The following KLHL6 variants were observed in gnomAD, a reference collection of about 807,000 sequenced individuals.
KLHL6 encodes the protein kelch-like protein 6.
A neutral mutation model predicts 58.6 loss-of-function variants in KLHL6; 41 were observed. The observed-to-expected ratio is 0.70, with a 90% confidence interval of 0.55 to 0.91. The LOEUF (loss-of-function observed/expected upper bound fraction) is 0.91, where lower values mean the gene tolerates loss of function less well. Among genes scored for constraint, KLHL6 ranks in the 40% least tolerant of loss-of-function variants. The pLI is 0.00. For missense variants in KLHL6, 714 were observed against 805.6 expected (o/e 0.89, Z 1.38); for synonymous variants, 338 against 322.7 (o/e 1.05, Z -0.51).
At chr3:183,539,720 AC>A (rs1181659807) in intron 1 of KLHL6, among the ~76,000 whole-genome samples, 19 of 151,396 alleles carry the variant, frequency 1.3e-4, no homozygotes, top group Middle Eastern at 3.4e-3. Flanking sequence ...AAAAAAAAAA[AC>A]AAAAAAACAA....
intron 1 of KLHL6, among the ~76,000 whole-genome samples, chr3:183,534,876 AT>A (rs1437245039): frequency 1.3e-5 from 2 of 150,666 alleles, no homozygotes; most frequent in African/African-American, 2.4e-5. Flanking sequence ...CATCATATAT[AT>A]GTATGTATAT....
At chr3:183,551,313 T>C (rs536071189) in intron 1 of KLHL6, among the ~76,000 whole-genome samples, 38 of 151,970 alleles carry the variant, frequency 2.5e-4, no homozygotes, top group African/African-American at 8.9e-4. Flanking sequence ...AGCGTGCAAA[T>C]CCAGGGAACA....
At chr3:183,506,465 A>G (rs145428562) in intron 3 of KLHL6, among the ~76,000 whole-genome samples, 2,585 of 152,344 alleles carry the variant, frequency 0.017, 41 homozygotes, top group Middle Eastern at 0.048. Flanking sequence ...ATATTTACAT[A>G]TAATAAATTC....
At chr3:183,515,211 G>GTGCT (rs1711521659) in intron 2 of KLHL6, among the ~76,000 whole-genome samples, 1 of 152,138 alleles carries the variant, frequency 6.6e-6, no homozygotes. Context: ...TGACTAGACG[G>GTGCT]TGCTTGGAAC....
chr3:183,541,024 TC>T (rs1712534945), intron 1 of KLHL6, among the ~76,000 whole-genome samples: 1 of 152,198 alleles, frequency 6.6e-6, no homozygotes, highest in African/African-American at 2.4e-5. Context: ...CTCTGTGGCT[TC>T]CCTGTGACCA....
chr3:183,530,174 T>C (rs1712109773), intron 1 of KLHL6, among the ~76,000 whole-genome samples: 1 of 152,156 alleles, frequency 6.6e-6, no homozygotes, highest in Non-Finnish European at 1.5e-5. Context: ...AGTGGGGCGC[T>C]GCTGTCACAA....
At position 183,531,442 on chromosome 3, in the gene KLHL6, T is replaced by TG. The variant is rs1560105868; in HGVS notation, c.294-3433dup. ...CTTCTTTCTGTTCTTTTTTTGTCTGTGTTTTTTTTTTTTTTTTTTTTTTTT... is the reference window on the plus strand; with the variant it reads ...CTTCTTTCTGTTCTTTTTTTGTCTGTGGTTTTTTTTTTTTTTTTTTTTTTTT... On this transcript the variant is annotated intron_variant, in intron 1 of 6. Coordinates refer to ENST00000341319, the MANE Select transcript of KLHL6 (RefSeq NM_130446.4). Among the ~76,000 whole-genome samples the TG allele has an allele frequency of 2.6e-5, 3 of 114,230 alleles. No individual in the cohort carries two copies. The East Asian group carries it at 6.2e-4, about 24-fold the overall frequency. The allele number at this position is 114,230 out of a possible 152,430, so 74.9% of individuals were successfully genotyped here. A position where few individuals can be genotyped will look rare whatever the true frequency, so the allele number is the denominator to read the frequency against.
At position 183,533,578 on chromosome 3, in the gene KLHL6, C is replaced by T. The variant is rs931244914; in HGVS notation, c.294-5568G>A. Among the ~76,000 whole-genome samples the T allele has an allele frequency of 5.9e-5, 9 of 152,064 alleles. No individual in the cohort carries two copies. The East Asian group carries it at 7.8e-4, about 13-fold the overall frequency. Reference sequence around the variant, plus strand: ...GAGCCTCCGTGCCTGGCCACTCATCCATTTCTTTACCCCTTTTCCTAATCT... The same window carrying T: ...GAGCCTCCGTGCCTGGCCACTCATCTATTTCTTTACCCCTTTTCCTAATCT... On this transcript the variant is annotated intron_variant, in intron 1 of 6. Coordinates refer to ENST00000341319, the MANE Select transcript of KLHL6 (RefSeq NM_130446.4).
chr3:183,508,679 A>T (rs1718093345), intron 2 of KLHL6, among the ~76,000 whole-genome samples, 171 bp from the exon 3 acceptor site: 2 of 152,212 alleles, frequency 1.3e-5, no homozygotes, highest in African/African-American at 4.8e-5. Flanking sequence ...AAACAATGAG[A>T]TACTTACTGG....
intron 1 of KLHL6, among the ~76,000 whole-genome samples, chr3:183,551,134 A>G (rs1050167506): frequency 6.6e-6 from 1 of 151,972 alleles, no homozygotes; most frequent in Admixed American, 6.6e-5. Flanking sequence ...AAAAAAAAAA[A>G]AAAAAAATTA....
intron 5 of KLHL6, chr3:183,493,007 G>A (rs1717617663): frequency 2.7e-6 from 1 of 370,064 alleles, no homozygotes; most frequent in African/African-American, 2.0e-5. Context: ...GCCAGTGTGG[G>A]AGGAAAATGA....
At chr3:183,533,000 A>G (rs1712209413) in intron 1 of KLHL6, among the ~76,000 whole-genome samples, 1 of 152,222 alleles carries the variant, frequency 6.6e-6, no homozygotes, top group Admixed American at 6.5e-5. Context: ...TAATTGAGGC[A>G]GTAGCCACAC....
rs1333111502 is a variant in KLHL6, at chr3:183,490,911, T to C, written c.*1016A>G. 5 of 152,086 alleles carry C rather than the reference T, an allele frequency of 3.3e-5. No homozygotes were observed. In the South Asian group the frequency reaches 8.3e-4, roughly 25 times the overall value. The allele number at this position is 152,086 out of a possible 1,614,324, so 9.4% of individuals were successfully genotyped here. ...CCCAGACCTTTCAAGTGGAAGAACC[T>C]ATGAGATGTTCTTGGCAAGGAGCCC... On this transcript the variant is annotated 3_prime_UTR_variant, in exon 7 of 7. Transcript: ENST00000341319.
intron 2 of KLHL6, among the ~76,000 whole-genome samples, chr3:183,511,331 G>A (rs1020656359): frequency 4.6e-5 from 7 of 152,192 alleles, no homozygotes; most frequent in Admixed American, 2.6e-4. Context: ...AACATGTCTC[G>A]CCTCCCGCCA....
At chr3:183,552,912 G>C (rs1359536592) in intron 1 of KLHL6, among the ~76,000 whole-genome samples, 2 of 151,994 alleles carry the variant, frequency 1.3e-5, no homozygotes, top group East Asian at 3.9e-4. Flanking sequence ...CTGGACTTTG[G>C]CTCACCGTCG....
At chr3:183,543,286 CAA>C (rs148496860) in intron 1 of KLHL6, among the ~76,000 whole-genome samples, 20 of 125,706 alleles carry the variant, frequency 1.6e-4, no homozygotes, top group Non-Finnish European at 2.4e-4. Context: ...AACTCCATTT[CAA>C]AAAAAAAAAA....
intron 1 of KLHL6, among the ~76,000 whole-genome samples, chr3:183,543,918 C>T (rs572733371): frequency 9.2e-5 from 14 of 152,276 alleles, no homozygotes; most frequent in Admixed American, 2.6e-4. Flanking sequence ...AATCCCAGCA[C>T]TTTGGGAGGC....
In KLHL6 at chr3:183,499,079, C is replaced by T. The variant is rs769075374; in HGVS notation, c.1147+511G>A. ...AACGCTGGCCGGACGAGGTGGCTCA[C>T]GCCTGTAATCCCAGCACTTTGGGAG... On this transcript the variant is annotated intron_variant, in intron 4 of 6. Transcript: ENST00000341319. This position sits in a 1 kb window ranked among gnomAD's most constrained non-coding sequence, Gnocchi z 4.6. 2.6e-5 allele frequency among the ~76,000 whole-genome samples: 4 copies of T among 152,190 alleles called. No homozygotes were observed. Among genetic ancestry groups the T allele is most frequent in the African/African-American group, 7.2e-5 (3 of 41,450 alleles).
At position 183,510,223 on chromosome 3, in the gene KLHL6, T is replaced by G. The variant is rs533133921; in HGVS notation, c.460-1715A>C. On this transcript the variant is annotated intron_variant, in intron 2 of 6. Transcript: ENST00000341319. The stretch of plus-strand genomic sequence containing the variant: ...CTCCCTTCCCCGTCTACTGGACTCC[T>G]TATAGGGTCAAGTTCTTGGTGCCCA... Among the ~76,000 whole-genome samples, 6 of 151,710 alleles carry G rather than the reference T, an allele frequency of 4.0e-5. No homozygotes were observed. In the South Asian group the frequency reaches 1.3e-3, roughly 32 times the overall value.
Sources: gnomAD v4.1 joint callset for allele counts (sites outside exome capture counted in the v4.1 genomes callset) on GRCh38, gnomAD v4.1.1 for gene constraint, Gnocchi (gnomAD v3.1) non-coding constraint, MANE v1.5 for transcripts, NCBI Gene and HGNC (gene_info 2026-07-23, HGNC 2026-07-21) for gene names.